GJC1: variants seen among roughly 807,000 people sequenced by gnomAD.
GJC1 encodes the protein gap junction gamma-1 protein.
GJC1 carries 5 observed loss-of-function variants against 29.3 expected under a neutral mutation model. The ratio of observed to expected loss-of-function variants is 0.17; its 90% CI spans 0.09 to 0.36. GJC1 has a LOEUF of 0.36. GJC1 is among the 10% of genes least tolerant of loss of function. The pLI is 1.00. For synonymous variants in GJC1, 177 were observed against 183.3 expected (o/e 0.97, Z 0.28); for missense variants, 310 against 496.2 (o/e 0.62, Z 3.56).
At chr17:44,817,537 C>A (rs925213591) in intron 1 of GJC1, among the ~76,000 whole-genome samples, 3 of 151,330 alleles carry the variant, frequency 2.0e-5, no homozygotes, top group African/African-American at 4.9e-5. Flanking sequence ...ATGGAGAAAC[C>A]CTGTCTCTAC....
intron 1 of GJC1, among the ~76,000 whole-genome samples, chr17:44,810,966 G>A (rs1017030196): frequency 2.0e-5 from 3 of 151,914 alleles, no homozygotes; most frequent in Non-Finnish European, 4.4e-5. Flanking sequence ...ATGAGGTTTC[G>A]TCATATTGCC....
rs1398321596 is a variant in GJC1 at position 44,801,820 on chromosome 17, G to T, written c.*2807C>A. On this transcript the variant is annotated 3_prime_UTR_variant, in exon 3 of 3. Transcript: ENST00000592524. ...GAGTTTCACCATGTTGACCAGTCTG[G>T]TCTTGAACTCCTGACCTCAGGTAAT... The T allele has an allele frequency of 4.6e-5, 7 of 152,108 alleles. No homozygotes were observed. Among genetic ancestry groups the T allele is most frequent in the Non-Finnish European group, 8.8e-5 (6 of 68,048 alleles). 9.4% of individuals were successfully genotyped at this position (152,108 alleles called of 1,614,324 possible).
intron 1 of GJC1, among the ~76,000 whole-genome samples, chr17:44,814,517 T>C (rs2050020248): frequency 6.6e-6 from 1 of 151,994 alleles, no homozygotes; most frequent in Non-Finnish European, 1.5e-5. Context: ...CGGAAGCACA[T>C]AATTCAAAAG....
rs374954889 is a variant in GJC1 at position 44,829,687 on chromosome 17, T to G, written c.-97+375A>C. 3.3e-5 allele frequency: 5 copies of G among 151,586 alleles called. No homozygotes were observed. The East Asian group carries it at 5.9e-4, about 18-fold the overall frequency. 9.4% of individuals were successfully genotyped at this position (151,586 alleles called of 1,614,324 possible). A position where few individuals can be genotyped will look rare whatever the true frequency, so the allele number is the denominator to read the frequency against. ...CGCCCTGCGCCCCTAACCGCCCGGGTAGTTGTCGGCACCGCCGGGGCGCCG... is the reference window on the plus strand; with the variant it reads ...CGCCCTGCGCCCCTAACCGCCCGGGGAGTTGTCGGCACCGCCGGGGCGCCG... On this transcript the variant is annotated intron_variant, in intron 1 of 2. Coordinates refer to ENST00000592524, the MANE Select transcript of GJC1 (RefSeq NM_005497.4).
chr17:44,811,388 C>CTT (rs573359174), intron 1 of GJC1, among the ~76,000 whole-genome samples: 1,748 of 128,076 alleles, frequency 0.014, 17 homozygotes, highest in Middle Eastern at 0.016. Context: ...GGCCTTTTTT[C>CTT]TTTTTTTTTT....
chr17:44,801,599 CTTTTT>C lies in GJC1; in HGVS notation c.*3023_*3027del, dbSNP rs777291440. 6.6e-6 allele frequency: 1 copy of C among 150,780 alleles called. No individual in the cohort carries two copies. The highest frequency in any genetic ancestry group is 6.6e-5 in the Admixed American group (1 of 15,146). 9.3% of individuals were successfully genotyped at this position (150,780 alleles called of 1,614,324 possible). A position where few individuals can be genotyped will look rare whatever the true frequency, so the allele number is the denominator to read the frequency against. ...AGCTAGACATCAACAGGCTCACTTT[CTTTTT>C]TTCTTTTTTTTTTTTTGAGACAAGA... On this transcript the variant is annotated 3_prime_UTR_variant, in exon 3 of 3. Coordinates refer to ENST00000592524, the MANE Select transcript of GJC1 (RefSeq NM_005497.4).
chr17:44,810,141 C>A (rs920160355), intron 1 of GJC1, among the ~76,000 whole-genome samples: 6 of 151,846 alleles, frequency 4.0e-5, no homozygotes, highest in African/African-American at 1.5e-4. Context: ...GGATTACAAG[C>A]GTGAGCCACC....
At chr17:44,796,458 C>A (rs764014399), downstream of GJC1, among the ~76,000 whole-genome samples, 6 of 152,240 alleles carry the variant, frequency 3.9e-5, no homozygotes, top group Non-Finnish European at 7.3e-5. Context: ...AGCAGTCATT[C>A]TGAGCTGACT....
chr17:44,798,601 T>C lies in GJC1; in HGVS notation c.*6026A>G, dbSNP rs2049802346. On this transcript the variant is annotated 3_prime_UTR_variant, in exon 3 of 3. Coordinates refer to ENST00000592524, the MANE Select transcript of GJC1 (RefSeq NM_005497.4). ...TTTGGCACTAGAACAGGTGATTCCT[T>C]AGCTGTTCATGCAATATCCAAACTG... 6.6e-6 allele frequency: 1 copy of C among 152,242 alleles called. No individual in the cohort carries two copies. The highest frequency in any genetic ancestry group is 2.1e-4 in the South Asian group (1 of 4,836). 9.4% of individuals were successfully genotyped at this position (152,242 alleles called of 1,614,324 possible).
At chr17:44,817,195 A>G (rs1741049509) in intron 1 of GJC1, among the ~76,000 whole-genome samples, 1 of 152,010 alleles carries the variant, frequency 6.6e-6, no homozygotes, top group African/African-American at 2.4e-5. Context: ...AACAAGAGCA[A>G]AAGTCTGTCT....
chr17:44,815,355 C>T (rs1344049733), intron 1 of GJC1, among the ~76,000 whole-genome samples: 6 of 152,024 alleles, frequency 3.9e-5, no homozygotes, highest in East Asian at 1.9e-4. Flanking sequence ...TTAATATCTT[C>T]GTGAATATAT....
chr17:44,830,974 A>G (rs546676180), upstream of GJC1, among the ~76,000 whole-genome samples: 3 of 152,328 alleles, frequency 2.0e-5, no homozygotes, highest in South Asian at 6.2e-4. This position sits in a 1 kb window ranked among gnomAD's most constrained non-coding sequence, Gnocchi z 4.3. Flanking sequence ...AGGAAACCGA[A>G]AATTCTCCAA....
rs997441143 is a variant in GJC1 at position 44,805,916 on chromosome 17, G to C, written c.-20-79C>G. 4.5e-5 allele frequency: 31 copies of C among 681,646 alleles called. No individual in the cohort carries two copies. The African/African-American group carries it at 5.1e-4, about 11-fold the overall frequency. 42.2% of individuals were successfully genotyped at this position (681,646 alleles called of 1,614,324 possible). ...TTAATTACTAATTATGATATCTCTAGGAACTACTGCTTTGAATACTTGAAA... is the reference window on the plus strand; with the variant it reads ...TTAATTACTAATTATGATATCTCTACGAACTACTGCTTTGAATACTTGAAA... On this transcript the variant is annotated intron_variant, in intron 2 of 2. Coordinates refer to ENST00000592524, the MANE Select transcript of GJC1 (RefSeq NM_005497.4). This position sits in a 1 kb window ranked among gnomAD's most constrained non-coding sequence, Gnocchi z 5.1.
chr17:44,814,971 A>C (rs2070057374), intron 1 of GJC1, among the ~76,000 whole-genome samples: 1 of 152,050 alleles, frequency 6.6e-6, no homozygotes, highest in African/African-American at 2.4e-5. Flanking sequence ...TCAGGACATA[A>C]GTCTTCTCTG....
At position 44,804,620 on chromosome 17, in the gene GJC1, G is replaced by A. The variant is rs573630531; in HGVS notation, c.*7C>T. ...TATGAAAAGCACAGGTTTTAAGCCC[G>A]CCAGGATTAAATCCAGACGGAGGTC... is the stretch of plus-strand genomic sequence containing the variant. On this transcript the variant is annotated 3_prime_UTR_variant, in exon 3 of 3. Coordinates refer to ENST00000592524, the MANE Select transcript of GJC1 (RefSeq NM_005497.4). The A allele has an allele frequency of 1.6e-5, 25 of 1,594,772 alleles. No individual in the cohort carries two copies. Among genetic ancestry groups the A allele is most frequent in the African/African-American group, 4.0e-5 (3 of 74,646 alleles).
intron 1 of GJC1, among the ~76,000 whole-genome samples, chr17:44,826,393 G>A (rs1251479629): frequency 6.6e-6 from 1 of 152,118 alleles, no homozygotes; most frequent in African/African-American, 2.4e-5. Flanking sequence ...AGCCGGGCAT[G>A]GTGGTGGACG....
At chr17:44,818,354 G>A (rs1054267831) in intron 1 of GJC1, among the ~76,000 whole-genome samples, 1 of 152,104 alleles carries the variant, frequency 6.6e-6, no homozygotes, top group African/African-American at 2.4e-5. Context: ...TAGCTGGGGA[G>A]GAAGGAATAA....
downstream of GJC1, among the ~76,000 whole-genome samples, chr17:44,795,493 A>G (rs1335819616): frequency 6.6e-6 from 1 of 152,176 alleles, no homozygotes; most frequent in Non-Finnish European, 1.5e-5. Context: ...TCAGCCTCCT[A>G]AAGTGCTGGG....
At chr17:44,816,264 A>C (rs990532800) in intron 1 of GJC1, among the ~76,000 whole-genome samples, 3 of 152,140 alleles carry the variant, frequency 2.0e-5, no homozygotes, top group African/African-American at 7.2e-5. Context: ...TGCTTATATA[A>C]CATTTATTAG....
Sources: gnomAD v4.1 joint callset for allele counts (sites outside exome capture counted in the v4.1 genomes callset) on GRCh38, gnomAD v4.1.1 for gene constraint, Gnocchi (gnomAD v3.1) non-coding constraint, MANE v1.5 for transcripts, NCBI Gene and HGNC (gene_info 2026-07-23, HGNC 2026-07-21) for gene names.